Variants in HSDL2 observed in about 807,000 individuals in gnomAD.
The protein encoded by HSDL2 is hydroxysteroid dehydrogenase-like protein 2.
In HSDL2, 27 loss-of-function variants were observed where a neutral mutation model predicts 46.3. That is an observed-to-expected ratio of 0.58 (90% CI 0.43 to 0.80). The LOEUF is 0.80. Ranked by LOEUF, HSDL2 falls within the 30% of genes least tolerant of loss-of-function variation. The probability of loss-of-function intolerance (pLI) is 0.00; values close to 1 mark genes in which losing one functional copy is unlikely to be tolerated. For missense variants in HSDL2, 451 were observed against 502.7 expected (o/e 0.90, Z 0.98); for synonymous variants, 153 against 163.6 (o/e 0.94, Z 0.50).
At chr9:112,395,755 A>C (rs1400378375) in intron 1 of HSDL2, among the ~76,000 whole-genome samples, 1 of 152,234 alleles carries the variant, frequency 6.6e-6, no homozygotes. Context: ...TAAAGCAGTT[A>C]CCATCCTCCA....
chr9:112,433,395 A>G (rs1832451625), intron 6 of HSDL2, among the ~76,000 whole-genome samples: 1 of 152,098 alleles, frequency 6.6e-6, no homozygotes. Flanking sequence ...GGGAAGATGG[A>G]TGAGATGGAT....
chr9:112,467,804 G>C (rs1305678400), intron 10 of HSDL2, among the ~76,000 whole-genome samples: 2 of 151,980 alleles, frequency 1.3e-5, no homozygotes, highest in East Asian at 3.9e-4. Flanking sequence ...TTTTTCCCCG[G>C]AGCCCTTTGT....
At chr9:112,447,042 T>A (rs1263861899) in intron 8 of HSDL2, among the ~76,000 whole-genome samples, 3 of 152,222 alleles carry the variant, frequency 2.0e-5, no homozygotes, top group Non-Finnish European at 4.4e-5. Context: ...TTAGAGCTGC[T>A]GAACCTCTCT....
chr9:112,409,108 A>C (rs1831802516), intron 4 of HSDL2, 87 bp downstream of exon 4: 1 of 729,610 alleles, frequency 1.4e-6, no homozygotes, highest in Non-Finnish European at 2.4e-6. Flanking sequence ...GAGCCAAATT[A>C]ACAGTGTAGT....
chr9:112,408,725 TA>T lies in HSDL2; in HGVS notation c.281-175del, dbSNP rs536960506. ...AAACTTAGACAGAAAAGAGATAAAA[TA>T]AAAAAACAGTATTGTAATCTTAAGG... On this transcript the variant is annotated intron_variant, in intron 3 of 10. Coordinates refer to ENST00000398805, the MANE Select transcript of HSDL2 (RefSeq NM_032303.5). Among the ~76,000 whole-genome samples the T allele has an allele frequency of 2.0e-4, 31 of 152,134 alleles. 1 individual carries two copies. In the South Asian group the frequency reaches 5.6e-3, roughly 28 times the overall value.
intron 8 of HSDL2, among the ~76,000 whole-genome samples, chr9:112,446,113 T>TA (rs1332307497): frequency 1.3e-5 from 2 of 151,344 alleles, no homozygotes; most frequent in African/African-American, 2.4e-5. Flanking sequence ...ATCAGGTTAT[T>TA]TTTTTTTTCT....
intron 5 of HSDL2, among the ~76,000 whole-genome samples, chr9:112,418,531 C>T (rs1012606212): frequency 6.8e-6 from 1 of 146,672 alleles, no homozygotes; most frequent in Non-Finnish European, 1.5e-5. Context: ...TGCAGTGAAT[C>T]GTAATCACAC....
At position 112,441,769 on chromosome 9, in the gene HSDL2, T is replaced by C. The variant is rs1299723296; in HGVS notation, c.864T>C (p.Thr288=). 3.9e-6 allele frequency: 6 copies of C among 1,556,878 alleles called. No individual in the cohort carries two copies. Among genetic ancestry groups the C allele is most frequent in the Non-Finnish European group, 5.3e-6 (6 of 1,128,222 alleles). ...CAGTTAGCAAGAAAGTGGAATCAAC[T>C]GGTAAGATCTAGACTATATTTTATG... ...PEAVSKKVES[T]GAVPEFKEEK... Residue 288 remains threonine (T), a splice_region_variant and synonymous_variant, in exon 8 of 11, where the codon ACT becomes ACC. Transcript: ENST00000398805.
intron 3 of HSDL2, among the ~76,000 whole-genome samples, chr9:112,406,775 T>G (rs913135930): frequency 6.6e-6 from 1 of 152,196 alleles, no homozygotes; most frequent in Non-Finnish European, 1.5e-5. Flanking sequence ...GCCTCTCTGA[T>G]TTCTTAAAAC....
chr9:112,453,461 C>G (rs748259816), intron 8 of HSDL2, among the ~76,000 whole-genome samples: 1 of 152,126 alleles, frequency 6.6e-6, no homozygotes, highest in Non-Finnish European at 1.5e-5. Context: ...AGCGTGATCT[C>G]GGCTCACTGC....
chr9:112,432,944 T>C (rs867689968), intron 6 of HSDL2, among the ~76,000 whole-genome samples: 2 of 148,662 alleles, frequency 1.3e-5, no homozygotes, highest in Non-Finnish European at 1.5e-5. Flanking sequence ...ATTTTTGTAT[T>C]TTTTTTTTTA....
intron 1 of HSDL2, among the ~76,000 whole-genome samples, chr9:112,401,459 A>T (rs1412003931): frequency 1.3e-5 from 2 of 151,632 alleles, no homozygotes; most frequent in African/African-American, 4.8e-5. Context: ...AAAAAAAAAA[A>T]AAAAAAAAAG....
chr9:112,432,548 T>A (rs545526837), intron 6 of HSDL2, among the ~76,000 whole-genome samples: 1 of 152,328 alleles, frequency 6.6e-6, no homozygotes, highest in East Asian at 1.9e-4. Context: ...ATAGGCAGAA[T>A]GTTCTGTATC....
intron 4 of HSDL2, among the ~76,000 whole-genome samples, chr9:112,416,079 C>T (rs890033128): frequency 1.3e-5 from 2 of 149,630 alleles, no homozygotes; most frequent in Admixed American, 6.7e-5. Context: ...TCACTCCAGC[C>T]TGGGCAACAG....
At chr9:112,403,419 T>C (rs73535961) in intron 1 of HSDL2, among the ~76,000 whole-genome samples, 241 of 152,392 alleles carry the variant, frequency 1.6e-3, no homozygotes, top group African/African-American at 5.6e-3. Context: ...CAGTACTTTA[T>C]TGCGGAACAT....
intron 1 of HSDL2, among the ~76,000 whole-genome samples, chr9:112,390,626 T>A (rs1305803803): frequency 6.6e-6 from 1 of 152,042 alleles, no homozygotes; most frequent in Non-Finnish European, 1.5e-5. Flanking sequence ...CTAATTTTTT[T>A]ATTTTTTGTA....
intron 6 of HSDL2, among the ~76,000 whole-genome samples, chr9:112,431,051 C>CA (rs57414181): frequency 1.9e-3 from 178 of 95,570 alleles, no homozygotes; most frequent in East Asian, 5.0e-3. Flanking sequence ...GATTCCAACT[C>CA]AAAAAAAAAA....
chr9:112,462,410 C>T (rs992828717), intron 10 of HSDL2, among the ~76,000 whole-genome samples: 5 of 150,420 alleles, frequency 3.3e-5, no homozygotes, highest in African/African-American at 4.9e-5. Context: ...TTGCAGTGAG[C>T]TGAGATCGAG....
chr9:112,410,949 A>G (rs915584370), intron 4 of HSDL2, among the ~76,000 whole-genome samples: 1 of 152,196 alleles, frequency 6.6e-6, no homozygotes, highest in Non-Finnish European at 1.5e-5. Context: ...TTGGTTGCTT[A>G]TGTTGAAAAA....
Sources: gnomAD v4.1 joint callset for allele counts (sites outside exome capture counted in the v4.1 genomes callset) on GRCh38, gnomAD v4.1.1 for gene constraint, MANE v1.5 for transcripts, NCBI Gene and HGNC (gene_info 2026-07-23, HGNC 2026-07-21) for gene names.